The following ANKRD10 variants were observed in gnomAD, a reference collection of about 807,000 sequenced individuals.
The protein encoded by ANKRD10 is ankyrin repeat domain-containing protein 10.
In ANKRD10, 14 loss-of-function variants were observed where a neutral mutation model predicts 27.0. The observed-to-expected ratio is 0.52, with a 90% CI of 0.34 to 0.81. The LOEUF is 0.81. ANKRD10 is among the 40% of genes least tolerant of loss of function. The probability of loss-of-function intolerance (pLI) is 0.01; values close to 1 mark genes in which losing one functional copy is unlikely to be tolerated. For missense variants in ANKRD10, 493 were observed against 544.0 expected (o/e 0.91, Z 0.93); for synonymous variants, 250 against 224.5 (o/e 1.11, Z -1.01).
rs1485684763 is a variant in ANKRD10, at chr13:110,891,861, CTTA to C, written c.691+1164_691+1166del. Among the ~76,000 whole-genome samples, 481 of 77,862 alleles carry C rather than the reference CTTA, an allele frequency of 6.2e-3. 2 individuals are homozygous for C. Among genetic ancestry groups the C allele is most frequent in the Middle Eastern group, 0.017 (2 of 120 alleles). 51.1% of individuals were successfully genotyped at this position (77,862 alleles called of 152,430 possible). A position where few individuals can be genotyped will look rare whatever the true frequency, so the allele number is the denominator to read the frequency against. On this transcript the variant is annotated intron_variant, in intron 4 of 5. Transcript: ENST00000267339. ...CCTGCCAAGCTATCACATTTACCTT[CTTA>C]TTAAGACTTTTTTTTTTTTTTTTTT...
chr13:110,879,134 A>C lies in ANKRD10; in HGVS notation c.*503T>G. The C allele has an allele frequency of 6.2e-6, 1 of 162,006 alleles. No individual in the cohort carries two copies. Among genetic ancestry groups the C allele is most frequent in the Non-Finnish European group, 1.4e-5 (1 of 72,542 alleles). 10.0% of individuals were successfully genotyped at this position (162,006 alleles called of 1,614,324 possible). ...TGCAAAGCTTCATTGAAAAAGACAA[A>C]CGTTCTCTTCTTCACACAAATCACT... On this transcript the variant is annotated 3_prime_UTR_variant, in exon 6 of 6. Coordinates refer to ENST00000267339, the MANE Select transcript of ANKRD10 (RefSeq NM_017664.4).
chr13:110,888,649 T>A (rs1269786567), intron 4 of ANKRD10, among the ~76,000 whole-genome samples: 1 of 152,156 alleles, frequency 6.6e-6, no homozygotes, highest in Admixed American at 6.5e-5. Flanking sequence ...CTGCCCTCCT[T>A]TACCAAGTCT....
chr13:110,898,437 T>C (rs1045525505), intron 3 of ANKRD10, among the ~76,000 whole-genome samples: 2 of 152,102 alleles, frequency 1.3e-5, no homozygotes, highest in South Asian at 2.1e-4. Flanking sequence ...TCAGTAGGAG[T>C]TGAGCACGTA....
At chr13:110,892,872 G>A in intron 4 of ANKRD10, 156 bp downstream of exon 4, 3 of 1,435,694 alleles carry the variant, frequency 2.1e-6, no homozygotes, top group Non-Finnish European at 1.8e-6. Flanking sequence ...CGCAGTGGCA[G>A]TACAGGAGAA....
At chr13:110,882,981 C>A (rs1362368824) in intron 5 of ANKRD10, among the ~76,000 whole-genome samples, 1 of 152,196 alleles carries the variant, frequency 6.6e-6, no homozygotes, top group African/African-American at 2.4e-5. Flanking sequence ...ATGGACAAAT[C>A]ATTTTAGATA....
rs563230430 is a variant in ANKRD10 at position 110,889,669 on chromosome 13, T to TG, written c.691+3358dup. On this transcript the variant is annotated intron_variant, in intron 4 of 5. Coordinates refer to ENST00000267339, the MANE Select transcript of ANKRD10 (RefSeq NM_017664.4). ...AGACACTACTTTTTGTGGGGAAGAA[T>TG]GGTTAACATTCAGACTCAGGATTCC... Among the ~76,000 whole-genome samples, 366 of 152,348 alleles carry TG rather than the reference T, an allele frequency of 2.4e-3. 3 individuals are homozygous for TG. The highest frequency in any genetic ancestry group is 0.022 in the South Asian group (106 of 4,828).
At chr13:110,914,231 G>A (rs541814617) in intron 1 of ANKRD10, among the ~76,000 whole-genome samples, 1 of 152,294 alleles carries the variant, frequency 6.6e-6, no homozygotes, top group Admixed American at 6.5e-5. Context: ...TGCGGAACCA[G>A]AAGGTCGACC....
chr13:110,888,855 T>C (rs2065002757), intron 4 of ANKRD10, among the ~76,000 whole-genome samples: 3 of 152,220 alleles, frequency 2.0e-5, no homozygotes, highest in Admixed American at 2.0e-4. Context: ...AGATCAGTAA[T>C]ATGCCTATGT....
rs1394568275 is a variant in ANKRD10, at chr13:110,883,726, G to A, written c.759C>T (p.His253=). 1.2e-6 allele frequency: 2 copies of A among 1,614,098 alleles called. No homozygotes were observed. Among genetic ancestry groups the A allele is most frequent in the Non-Finnish European group, 1.7e-6 (2 of 1,179,996 alleles). The change falls in exon 5 of 6, where the codon CAC becomes CAT. Residue 253 remains histidine, a synonymous_variant. Transcript: ENST00000267339. ...GDTEDDADKM[H]VDREFAVVTD... ...TTACAACAGCAAACTCCCTATCAAC[G>A]TGCATTTTGTCAGCATCGTCTTCTG...
chr13:110,881,133 CG>C (rs2064809031), intron 5 of ANKRD10, among the ~76,000 whole-genome samples: 1 of 152,176 alleles, frequency 6.6e-6, no homozygotes, highest in Admixed American at 6.5e-5. Context: ...CAGGAATTCA[CG>C]TAACAGTATA....
At position 110,879,090 on chromosome 13, in the gene ANKRD10, C is replaced by T. The variant is rs1192824720; in HGVS notation, c.*547G>A. 1 of 158,526 alleles carries T rather than the reference C, an allele frequency of 6.3e-6. No individual in the cohort carries two copies. The highest frequency in any genetic ancestry group is 1.4e-5 in the Non-Finnish European group (1 of 71,254). The allele number at this position is 158,526 out of a possible 1,614,324, so 9.8% of individuals were successfully genotyped here. On this transcript the variant is annotated 3_prime_UTR_variant, in exon 6 of 6. Transcript: ENST00000267339. Reference sequence around the variant, plus strand: ...GGACCACTGTGTCCACAACTAAAACCTTCAACCACATGGTGATCTGCAAAG... The same window carrying T: ...GGACCACTGTGTCCACAACTAAAACTTTCAACCACATGGTGATCTGCAAAG...
In ANKRD10 at chr13:110,904,942, T is replaced by C. The variant is rs1397321821; in HGVS notation, c.455+1091A>G. The C allele has an allele frequency of 3.9e-4, 59 of 152,242 alleles. 1 individual carries two copies. Among genetic ancestry groups the C allele is most frequent in the Admixed American group, 3.9e-3 (59 of 15,292 alleles). 9.4% of individuals were successfully genotyped at this position (152,242 alleles called of 1,614,324 possible). A position where few individuals can be genotyped will look rare whatever the true frequency, so the allele number is the denominator to read the frequency against. On this transcript the variant is annotated intron_variant, in intron 3 of 5. Coordinates refer to ENST00000267339, the MANE Select transcript of ANKRD10 (RefSeq NM_017664.4). ...CTCCGGTACCTACACACGTCGTGCA[T>C]TAGCCTGTATGGTTTTGCTGTCTAG...
At chr13:110,914,648 C>G (rs2065834073) in intron 1 of ANKRD10, 77 bp downstream of exon 1, 9 of 1,475,378 alleles carry the variant, frequency 6.1e-6, no homozygotes, top group South Asian at 2.7e-5. Flanking sequence ...CCCCACGTCC[C>G]CCGCACCTCA....
At chr13:110,884,739 TTA>T (rs1268343952) in intron 4 of ANKRD10, among the ~76,000 whole-genome samples, 1 of 152,232 alleles carries the variant, frequency 6.6e-6, no homozygotes, top group Non-Finnish European at 1.5e-5. Flanking sequence ...AAATGCATTT[TTA>T]TGTGTATTTC....
chr13:110,880,063 G>A lies in ANKRD10; in HGVS notation c.837C>T (p.Val279=). The A allele has an allele frequency of 6.2e-7, 1 of 1,614,034 alleles. No homozygotes were observed. Among genetic ancestry groups the A allele is most frequent in the South Asian group, 1.1e-5 (1 of 91,060 alleles). Residue 279 remains valine, a synonymous_variant, in exon 6 of 6, where the codon GTC becomes GTT. Transcript: ENST00000267339. ...AGGGGAAGTCCAAATGTCCATTGATGACACATCCATTTGTCAATGTATTCG... is the reference window on the plus strand; with the variant it reads ...AGGGGAAGTCCAAATGTCCATTGATAACACATCCATTTGTCAATGTATTCG... ...SVSNTLTNGC[V]INGHLDFPST...
At position 110,879,890 on chromosome 13, in the gene ANKRD10, G is replaced by T. The variant is rs770826256; in HGVS notation, c.1010C>A (p.Thr337Asn). 1 of 1,614,192 alleles carries T rather than the reference G, an allele frequency of 6.2e-7. No individual in the cohort carries two copies. Among genetic ancestry groups the T allele is most frequent in the East Asian group, 2.2e-5 (1 of 44,886 alleles). ...GCACAACTCAGGGTTAGCTCTCAGGGTCTTCTCTGGCTCCTCAGTCCCACT... is the reference window on the plus strand; with the variant it reads ...GCACAACTCAGGGTTAGCTCTCAGGTTCTTCTCTGGCTCCTCAGTCCCACT... ...CISGTEEPEK[T>N]LRANPELCGS... Residue 337 changes from threonine to asparagine, a missense_variant, in exon 6 of 6, where the codon ACC (threonine) becomes AAC (asparagine). Thr to Asn is a moderately conservative substitution (Grantham distance 65, BLOSUM62 0). Coordinates refer to ENST00000267339, the MANE Select transcript of ANKRD10 (RefSeq NM_017664.4).
Position 110,914,993 on chromosome 13 carries a change from G to GAGAAGCCGCC in ANKRD10, c.-69_-60dup. 1 of 1,492,746 alleles carries GAGAAGCCGCC rather than the reference G, an allele frequency of 6.7e-7. No individual in the cohort carries two copies. Among genetic ancestry groups the GAGAAGCCGCC allele is most frequent in the Non-Finnish European group, 8.9e-7 (1 of 1,126,176 alleles). The allele number at this position is 1,492,746 out of a possible 1,614,324, so 92.5% of individuals were successfully genotyped here. A position where few individuals can be genotyped will look rare whatever the true frequency, so the allele number is the denominator to read the frequency against. ...CTAGAGGACGCGTCGGGGAGGACTCGAGAAGCCGCCGCCGCAGCACAAAGG... is the reference window on the plus strand; with the variant it reads ...CTAGAGGACGCGTCGGGGAGGACTCGAGAAGCCGCCAGAAGCCGCCGCCGCAGCACAAAGG... On this transcript the variant is annotated 5_prime_UTR_variant, in exon 1 of 6. Transcript: ENST00000267339.
intron 4 of ANKRD10, among the ~76,000 whole-genome samples, chr13:110,888,329 GCAGA>G (rs2064987874): frequency 6.6e-6 from 1 of 151,408 alleles, no homozygotes; most frequent in Admixed American, 6.6e-5. Context: ...AGTGGAAAAC[GCAGA>G]CACTGTCTGG....
At chr13:110,911,164 T>C (rs2065691546) in intron 1 of ANKRD10, among the ~76,000 whole-genome samples, 1 of 152,218 alleles carries the variant, frequency 6.6e-6, no homozygotes, top group South Asian at 2.1e-4. Flanking sequence ...AAAAACTTTG[T>C]GTAGGCCGGG....
Sources: allele counts gnomAD v4.1 joint callset (sites outside exome capture counted in the v4.1 genomes callset), GRCh38; gene constraint gnomAD v4.1.1; transcripts MANE v1.5; gene names NCBI Gene and HGNC (gene_info 2026-07-23, HGNC 2026-07-21).